The following CAPN5 variants were observed in gnomAD, a reference collection of about 807,000 sequenced individuals.
CAPN5 encodes the protein calpain-5.
Under a neutral mutation model 73.0 loss-of-function variants are expected in CAPN5, and 54 were observed. That is an observed-to-expected ratio of 0.74 (90% CI 0.59 to 0.93). The LOEUF (loss-of-function observed/expected upper bound fraction) is 0.93. Among genes scored for constraint, CAPN5 ranks in the 40% least tolerant of loss-of-function variants. CAPN5 has a pLI of 0.00. For synonymous variants in CAPN5, 335 were observed against 356.9 expected (o/e 0.94, Z 0.69); for missense variants, 785 against 882.9 (o/e 0.89, Z 1.41).
intron 4 of CAPN5, among the ~76,000 whole-genome samples, chr11:77,113,758 G>A (rs1950435891): frequency 6.6e-6 from 1 of 152,220 alleles, no homozygotes; most frequent in South Asian, 2.1e-4. Flanking sequence ...GGCCTTGGTT[G>A]TTTTTTGTTT....
rs1555035809 is a variant in CAPN5, at chr11:77,087,924, T to C, written c.165+2873T>C. ...ACACCCTTCACCCACAGGCTCGCTA[T>C]GTTTTTGTTCTTTCCAGTACAGTGG... On this transcript the variant is annotated intron_variant, in intron 2 of 12. Coordinates refer to ENST00000648180, the MANE Select transcript of CAPN5 (RefSeq NM_004055.5). 14 of 1,535,944 alleles carry C rather than the reference T, an allele frequency of 9.1e-6. No individual in the cohort carries two copies. In the East Asian group the frequency reaches 3.2e-4, roughly 35 times the overall value.
At chr11:77,087,694 C>T (rs1011222752) in intron 2 of CAPN5, among the ~76,000 whole-genome samples, 3 of 152,086 alleles carry the variant, frequency 2.0e-5, no homozygotes, top group Admixed American at 2.0e-4. Flanking sequence ...TTCTGGAAAC[C>T]GAAATGACTT....
intron 3 of CAPN5, among the ~76,000 whole-genome samples, chr11:77,103,819 C>G (rs782487523): frequency 6.6e-6 from 1 of 152,206 alleles, no homozygotes; most frequent in Admixed American, 6.5e-5. Context: ...TTTGCCGGAG[C>G]CTGTGTCTGG....
In CAPN5 at chr11:77,119,106, G is replaced by A. The variant is rs529481587; in HGVS notation, c.1244G>A (p.Arg415Gln). 5.7e-5 allele frequency: 92 copies of A among 1,613,736 alleles called. No homozygotes were observed. Among genetic ancestry groups the A allele is most frequent in the Middle Eastern group, 1.6e-4 (1 of 6,082 alleles). Reference sequence around the variant, plus strand: ...CAGCGGCCAAAGCGGTCTACGCGCCGGGAGGGCAAGGGTGAGAACCTGGCC... The same window carrying A: ...CAGCGGCCAAAGCGGTCTACGCGCCAGGAGGGCAAGGGTGAGAACCTGGCC... ...IQQRPKRSTR[R>Q]EGKGENLAIG... Residue 415 changes from arginine (R) to glutamine (Q), a missense_variant, in exon 9 of 13, where the codon CGG becomes CAG. By Grantham distance (43) the Arg-to-Gln change is conservative. Transcript: ENST00000648180.
At chr11:77,073,138 G>A (rs1348236299) in intron 1 of CAPN5, 1 of 1,288,404 alleles carries the variant, frequency 7.8e-7, no homozygotes. Flanking sequence ...GAGCCCCGAG[G>A]TAGGGTGGCC....
At chr11:77,109,664 C>T (rs1288664055) in intron 3 of CAPN5, among the ~76,000 whole-genome samples, 1 of 152,148 alleles carries the variant, frequency 6.6e-6, no homozygotes, top group Non-Finnish European at 1.5e-5. Flanking sequence ...TTTAGACAGT[C>T]TCCCTCCTGC....
intron 2 of CAPN5, chr11:77,088,169 G>A (rs1950110148): frequency 2.6e-6 from 3 of 1,149,890 alleles, no homozygotes; most frequent in Admixed American, 2.8e-5. Context: ...ATGCACAGGG[G>A]ACAAGGTGGG....
chr11:77,107,702 A>C (rs1476018553), intron 3 of CAPN5, among the ~76,000 whole-genome samples: 2 of 152,128 alleles, frequency 1.3e-5, no homozygotes, highest in African/African-American at 4.8e-5. Flanking sequence ...TTGGTGGATC[A>C]CATCCCAGGG....
chr11:77,091,280 T>C (rs118164415), intron 2 of CAPN5, among the ~76,000 whole-genome samples: 2,192 of 152,242 alleles, frequency 0.014, 33 homozygotes, highest in Middle Eastern at 0.027. Context: ...AGGCCCAAAG[T>C]TGCACAGCAG....
intron 3 of CAPN5, among the ~76,000 whole-genome samples, chr11:77,099,854 G>T (rs1555038484): frequency 6.6e-6 from 1 of 150,496 alleles, no homozygotes; most frequent in Non-Finnish European, 1.5e-5. Context: ...GTTTTTTTTT[G>T]AGTTGGAGTT....
Position 77,120,868 on chromosome 11 carries a change from G to C in CAPN5, c.1446G>C (p.Glu482Asp), listed in dbSNP as rs781942104. Residue 482 changes from glutamate to aspartate, a missense_variant, in exon 10 of 13, where the codon GAG (glutamate) becomes GAC (aspartate). By Grantham distance (45) the Glu-to-Asp change is conservative (BLOSUM62 2). Coordinates refer to ENST00000648180, the MANE Select transcript of CAPN5 (RefSeq NM_004055.5). ...CCTTCGAGCCAGGCCACACTGGCGA[G>C]TTCCTGCTCCGAGTCTTCACTGATG... ...PTTFEPGHTG[E>D]FLLRVFTDVP... 6 of 1,614,038 alleles carry C rather than the reference G, an allele frequency of 3.7e-6. No individual in the cohort carries two copies. In the South Asian group the frequency reaches 5.5e-5, roughly 15 times the overall value.
At chr11:77,079,181 G>T (rs1385627115) in intron 1 of CAPN5, among the ~76,000 whole-genome samples, 8 of 151,496 alleles carry the variant, frequency 5.3e-5, no homozygotes, top group Non-Finnish European at 1.2e-4. Context: ...TTTTTCCCTA[G>T]AGATTGGGTC....
At chr11:77,112,561 C>T (rs377399873) in intron 3 of CAPN5, 28 bp from the exon 4 acceptor site, 3 of 1,581,094 alleles carry the variant, frequency 1.9e-6, no homozygotes, top group South Asian at 2.2e-5. Context: ...CTGTGTTCCC[C>T]CATCCTATCC....
chr11:77,101,243 C>T (rs1950280811), intron 3 of CAPN5, among the ~76,000 whole-genome samples: 2 of 152,216 alleles, frequency 1.3e-5, no homozygotes, highest in Admixed American at 6.5e-5. Flanking sequence ...ACAAGACACA[C>T]TTCCTACCCT....
intron 1 of CAPN5, among the ~76,000 whole-genome samples, chr11:77,084,008 A>G (rs1950055555): frequency 6.6e-6 from 1 of 152,224 alleles, no homozygotes; most frequent in Non-Finnish European, 1.5e-5. Context: ...GCTGCACCGC[A>G]GCCCAGATGG....
intron 1 of CAPN5, among the ~76,000 whole-genome samples, chr11:77,081,502 G>A (rs1325058278): frequency 2.0e-5 from 3 of 152,172 alleles, no homozygotes; most frequent in South Asian, 2.1e-4. Flanking sequence ...CCCAGATGTC[G>A]ACTGCCTGAG....
At chr11:77,103,281 G>T in intron 3 of CAPN5, 1 of 1,612,874 alleles carries the variant, frequency 6.2e-7, no homozygotes, top group Non-Finnish European at 8.5e-7. Flanking sequence ...CTTTGGCGAG[G>T]GTGTGGAGCC....
In CAPN5 at chr11:77,115,429, C is replaced by T. The variant is rs1555041542; in HGVS notation, c.734C>T (p.Ala245Val). 9 of 1,607,274 alleles carry T rather than the reference C, an allele frequency of 5.6e-6. No individual in the cohort carries two copies. Among genetic ancestry groups the T allele is most frequent in the Middle Eastern group, 1.8e-4 (1 of 5,416 alleles). Reference sequence around the variant, plus strand: ...GCAGCTGACATGGAGGCCCGCCTGGCGTGCGGCCTGGTAAAGGGCCACGCA... The same window carrying T: ...GCAGCTGACATGGAGGCCCGCCTGGTGTGCGGCCTGGTAAAGGGCCACGCA... ...VTAADMEARL[A>V]CGLVKGHAYA... Residue 245 changes from alanine to valine, a missense_variant, in exon 6 of 13, where the codon GCG (alanine) becomes GTG (valine). Coordinates refer to ENST00000648180, the MANE Select transcript of CAPN5 (RefSeq NM_004055.5).
intron 1 of CAPN5, among the ~76,000 whole-genome samples, chr11:77,078,407 T>G (rs1202617615): frequency 1.3e-5 from 2 of 152,230 alleles, no homozygotes; most frequent in African/African-American, 4.8e-5. Flanking sequence ...CTTTCTATTC[T>G]GTTCCATTGG....
Sources: gnomAD v4.1 joint callset for allele counts (sites outside exome capture counted in the v4.1 genomes callset) on GRCh38, gnomAD v4.1.1 for gene constraint, MANE v1.5 for transcripts, NCBI Gene and HGNC (gene_info 2026-07-23, HGNC 2026-07-21) for gene names.